The following EPS8L1 variants were observed in gnomAD, a reference collection of about 807,000 sequenced individuals.
EPS8L1 encodes the protein epidermal growth factor receptor kinase substrate 8-like protein 1.
Under a neutral mutation model 91.7 loss-of-function variants are expected in EPS8L1, and 101 were observed. The ratio of observed to expected loss-of-function variants is 1.10; its 90% confidence interval spans 0.94 to 1.30. The LOEUF (loss-of-function observed/expected upper bound fraction) is 1.30, where lower values mean the gene tolerates loss of function less well. EPS8L1 is among the 50% of genes most tolerant of loss of function. EPS8L1 has a pLI of 0.00. For synonymous variants in EPS8L1, 506 were observed against 445.3 expected (o/e 1.14, Z -1.72); for missense variants, 1,114 against 1,017.0 (o/e 1.10, Z -1.30).
intron 14 of EPS8L1, 90 bp from the exon 15 acceptor site, chr19:55,085,751 G>A: frequency 6.8e-7 from 1 of 1,471,178 alleles, no homozygotes; most frequent in Non-Finnish European, 9.1e-7. Flanking sequence ...CCCCCAGCTT[G>A]GCTCTAACCC....
chr19:55,085,976 T>C lies in EPS8L1; in HGVS notation c.1518+3T>C. The C allele has an allele frequency of 6.2e-7, 1 of 1,611,018 alleles. No individual in the cohort carries two copies. The highest frequency in any genetic ancestry group is 8.5e-7 in the Non-Finnish European group (1 of 1,177,478). ...TCAAGCAGCGGGACGTACTGGAGGTTAGAGGAGCGGGAGGCTGAGGGGCAG... is the reference window on the plus strand; with the variant it reads ...TCAAGCAGCGGGACGTACTGGAGGTCAGAGGAGCGGGAGGCTGAGGGGCAG... On this transcript the variant is annotated splice_donor_region_variant and intron_variant, in intron 15 of 19. Transcript: ENST00000201647.
chr19:55,080,384 G>T, intron 6 of EPS8L1, 106 bp downstream of exon 6: 1 of 1,557,254 alleles, frequency 6.4e-7, no homozygotes, highest in Non-Finnish European at 8.7e-7. Flanking sequence ...TGGGGCTAAG[G>T]CGGGATCAGA....
rs200080541 is a variant in EPS8L1, at chr19:55,082,561, C to G, written c.1173C>G (p.Asn391Lys). The G allele has an allele frequency of 5.0e-5, 79 of 1,595,654 alleles. No individual in the cohort carries two copies. The African/African-American group carries it at 9.9e-4, about 20-fold the overall frequency. ...LLRDNVTPRE[N>K]ELWTSLGDSW... is the part of the protein sequence containing the mutation. ...GGGACAACGTCACTCCACGTGAAAA[C>G]GAGCTCTGGACCTCGCTGGGGGACT... The change falls in exon 12 of 20, where the codon AAC (asparagine) becomes AAG (lysine). Residue 391 changes from asparagine to lysine, a missense_variant. By Grantham distance (94) the Asn-to-Lys change is moderately conservative. Transcript: ENST00000201647.
Position 55,079,010 on chromosome 19 carries a change from C to A in EPS8L1, c.70C>A (p.Arg24Ser). The change falls in exon 4 of 20, where the codon CGT becomes AGT. Residue 24 changes from arginine (R) to serine (S), a missense_variant. Arg to Ser is a moderately radical substitution (Grantham distance 110). Transcript: ENST00000201647. Reference sequence around the variant, plus strand: ...TTCTCCCCTGGCAGAGCAGAGGAAGCGTTACTCCACAGTTGTTATGGCTGA... The same window carrying A: ...TTCTCCCCTGGCAGAGCAGAGGAAGAGTTACTCCACAGTTGTTATGGCTGA... ...SAKSIYEQRK[R>S]YSTVVMADVS... The A allele has an allele frequency of 6.2e-7, 1 of 1,613,966 alleles. No individual in the cohort carries two copies. Among genetic ancestry groups the A allele is most frequent in the Non-Finnish European group, 8.5e-7 (1 of 1,179,928 alleles).
Position 55,081,263 on chromosome 19 carries a change from C to A in EPS8L1, c.545C>A (p.Ser182Ter), listed in dbSNP as rs754101619. ...ATQEELQRDR[S>*]PAAETPPLQR... The stretch of plus-strand genomic sequence containing the variant: ...CAGGAGGAGTTGCAGCGCGACCGCT[C>A]GCCCGCCGCTGAGACCCCGCCCCTG... Residue 182 changes from serine (S) to a stop codon, truncating the protein, a stop_gained, in exon 8 of 20, where the codon TCG (serine) becomes TAG (stop). Transcript: ENST00000201647. LOFTEE classifies it high-confidence loss of function. This position sits in a 1 kb window ranked among gnomAD's most constrained non-coding sequence, Gnocchi z 4.9. 6.6e-7 allele frequency: 1 copy of A among 1,506,744 alleles called. No homozygotes were observed. The highest frequency in any genetic ancestry group is 8.8e-7 in the Non-Finnish European group (1 of 1,135,338). 93.3% of individuals were successfully genotyped at this position (1,506,744 alleles called of 1,614,324 possible).
At chr19:55,077,134 G>A (rs984378966) in intron 2 of EPS8L1, among the ~76,000 whole-genome samples, 1 of 152,148 alleles carries the variant, frequency 6.6e-6, no homozygotes, top group Non-Finnish European at 1.5e-5. Context: ...TGCAAGTGGG[G>A]ATTCAAGAAT....
chr19:55,087,369 G>A lies in EPS8L1; in HGVS notation c.2019G>A (p.Arg673=). The change falls in exon 19 of 20, where the codon CGG becomes CGA. Residue 673 remains arginine (R), a synonymous_variant. Coordinates refer to ENST00000201647, the MANE Select transcript of EPS8L1 (RefSeq NM_133180.3). ...QLFSLQKEEL[R]AVSPEEGARV... ...TCTCGCTGCAGAAGGAGGAGCTGCGGGCGGTGAGCCCCGAGGAGGGGGCAC... is the reference window on the plus strand; with the variant it reads ...TCTCGCTGCAGAAGGAGGAGCTGCGAGCGGTGAGCCCCGAGGAGGGGGCAC... 2 of 1,613,258 alleles carry A rather than the reference G, an allele frequency of 1.2e-6. No individual in the cohort carries two copies. The highest frequency in any genetic ancestry group is 1.7e-6 in the Non-Finnish European group (2 of 1,179,708).
Position 55,081,680 on chromosome 19 carries a change from C to T in EPS8L1, c.775-93C>T, listed in dbSNP as rs1386832938. 2 of 1,514,034 alleles carry T rather than the reference C, an allele frequency of 1.3e-6. No individual in the cohort carries two copies. Among genetic ancestry groups the T allele is most frequent in the East Asian group, 4.6e-5 (2 of 43,858 alleles). 93.8% of individuals were successfully genotyped at this position (1,514,034 alleles called of 1,614,324 possible). ...CCAGGTGTTTGGGGCGTGGCCTGAT[C>T]TGGGGAAGTGTATAGGTGCTCAGGT... On this transcript the variant is annotated intron_variant, in intron 8 of 19. Transcript: ENST00000201647. The surrounding 1 kb of genome is among the most constrained non-coding windows in gnomAD (Gnocchi z 4.9).
At chr19:55,084,571 A>T (rs2076337206) in intron 14 of EPS8L1, 1 of 152,250 alleles carries the variant, frequency 6.6e-6, no homozygotes, top group Non-Finnish European at 1.5e-5. Flanking sequence ...CAGCAGGGAC[A>T]GCGTGCTGGG....
In EPS8L1 at chr19:55,085,959, C is replaced by G; in HGVS notation, c.1504C>G (p.Arg502Gly). Residue 502 changes from arginine (R) to glycine (G), a missense_variant, in exon 15 of 20, where the codon CGG (arginine) becomes GGG (glycine). Physicochemically the swap from Arg to Gly is moderately radical, Grantham distance 125 (BLOSUM62 -2). Coordinates refer to ENST00000201647, the MANE Select transcript of EPS8L1 (RefSeq NM_133180.3). ...RNSSELSVKQ[R>G]DVLEVLDDSR... ...CAGCAGTGAGCTGTCGGTCAAGCAG[C>G]GGGACGTACTGGAGGTTAGAGGAGC... The G allele has an allele frequency of 1.9e-6, 3 of 1,613,248 alleles. No individual in the cohort carries two copies. Among genetic ancestry groups the G allele is most frequent in the African/African-American group, 1.3e-5 (1 of 74,950 alleles).
chr19:55,082,383 C>T, intron 11 of EPS8L1, 34 bp downstream of exon 11: 1 of 1,612,372 alleles, frequency 6.2e-7, no homozygotes, highest in Non-Finnish European at 8.5e-7. Flanking sequence ...GGCCCCCCTG[C>T]AGCGGGAGGA....
intron 18 of EPS8L1, 49 bp from the exon 19 acceptor site, chr19:55,087,254 T>TGG (rs922086140): frequency 6.5e-7 from 1 of 1,550,142 alleles, no homozygotes; most frequent in Admixed American, 1.9e-5. Flanking sequence ...TTGTCCGGGC[T>TGG]GGGGCATCCG....
chr19:55,079,963 C>G, intron 5 of EPS8L1, 112 bp downstream of exon 5: 1 of 1,451,038 alleles, frequency 6.9e-7, no homozygotes, highest in Non-Finnish European at 9.1e-7. Context: ...GCGAGGGACC[C>G]CAGCCCCCTT....
Position 55,083,808 on chromosome 19 carries a change from G to A in EPS8L1, c.1385+164G>A, listed in dbSNP as rs1179060405. ...TGGGGCGGGCCGGGGCTGGGAGAGA[G>A]GGAGGAGCAGGGTGGGAGGGGGCGG... On this transcript the variant is annotated intron_variant, in intron 14 of 19. Coordinates refer to ENST00000201647, the MANE Select transcript of EPS8L1 (RefSeq NM_133180.3). This position sits in a 1 kb window ranked among gnomAD's most constrained non-coding sequence, Gnocchi z 4.7. 1.2e-6 allele frequency: 1 copy of A among 834,408 alleles called. No individual in the cohort carries two copies. Among genetic ancestry groups the A allele is most frequent in the Non-Finnish European group, 1.9e-6 (1 of 515,280 alleles). 51.7% of individuals were successfully genotyped at this position (834,408 alleles called of 1,614,324 possible).
rs549895255 is a variant in EPS8L1, at chr19:55,083,951, A to T, written c.1385+307A>T. ...GAGGTTGGATCCCTGGATCCCCAAA[A>T]GGCTGGAAGAAGCCAGTTTGTTTTC... On this transcript the variant is annotated intron_variant, in intron 14 of 19. Coordinates refer to ENST00000201647, the MANE Select transcript of EPS8L1 (RefSeq NM_133180.3). The surrounding 1 kb of genome is among the most constrained non-coding windows in gnomAD (Gnocchi z 4.7). 1.7e-6 allele frequency: 1 copy of T among 594,562 alleles called. No individual in the cohort carries two copies. Among genetic ancestry groups the T allele is most frequent in the Admixed American group, 3.0e-5 (1 of 33,696 alleles). 36.8% of individuals were successfully genotyped at this position (594,562 alleles called of 1,614,324 possible).
chr19:55,083,458 A>G lies in EPS8L1; in HGVS notation c.1295A>G (p.Gln432Arg). Residue 432 changes from glutamine to arginine, a missense_variant, in exon 13 of 20, where the codon CAG becomes CGG. By Grantham distance (43) the Gln-to-Arg change is conservative. Transcript: ENST00000201647. The surrounding 1 kb of genome is among the most constrained non-coding windows in gnomAD (Gnocchi z 4.7). ...TGGGAGCCGCCGGTCACTGACCCGCAGAGCCGCGCCTGGGAGGACCCAGTT... is the reference window on the plus strand; with the variant it reads ...TGGGAGCCGCCGGTCACTGACCCGCGGAGCCGCGCCTGGGAGGACCCAGTT... ...SGWEPPVTDPQSRAWEDPVEK... is the reference protein window; with the variant it reads ...SGWEPPVTDPRSRAWEDPVEK... The G allele has an allele frequency of 5.0e-6, 8 of 1,612,664 alleles. No individual in the cohort carries two copies. Among genetic ancestry groups the G allele is most frequent in the Non-Finnish European group, 6.8e-6 (8 of 1,179,822 alleles).
At chr19:55,079,639 C>T in intron 4 of EPS8L1, 51 bp from the exon 5 acceptor site, 1 of 1,578,248 alleles carries the variant, frequency 6.3e-7, no homozygotes, top group African/African-American at 1.3e-5. Flanking sequence ...GGATTCTGAG[C>T]CCACCTGGCA....
intron 14 of EPS8L1, among the ~76,000 whole-genome samples, chr19:55,085,358 G>C (rs2076343276): frequency 6.6e-6 from 1 of 152,190 alleles, no homozygotes; most frequent in African/African-American, 2.4e-5. Context: ...GTAGAGACAG[G>C]GTTTCACCAT....
rs763659791 is a variant in EPS8L1 at position 55,079,029 on chromosome 19, T to C, written c.89T>C (p.Met30Thr). The change falls in exon 4 of 20, where the codon ATG becomes ACG. Residue 30 changes from methionine to threonine, a missense_variant. Met to Thr is a moderately conservative substitution (Grantham distance 81). Transcript: ENST00000201647. ...EQRKRYSTVVMADVSQYPVNH... is the reference protein window; with the variant it reads ...EQRKRYSTVVTADVSQYPVNH... ...AGGAAGCGTTACTCCACAGTTGTTA[T>C]GGCTGATGTATCCCAGTACCCAGTC... 10 of 1,614,054 alleles carry C rather than the reference T, an allele frequency of 6.2e-6. No homozygotes were observed. Among genetic ancestry groups the C allele is most frequent in the Non-Finnish European group, 5.9e-6 (7 of 1,179,956 alleles).
Sources: allele counts gnomAD v4.1 joint callset (sites outside exome capture counted in the v4.1 genomes callset), GRCh38; gene constraint gnomAD v4.1.1; non-coding constraint Gnocchi (gnomAD v3.1); transcripts MANE v1.5; gene names NCBI Gene and HGNC (gene_info 2026-07-23, HGNC 2026-07-21).